The following RBM26 variants were observed in gnomAD, a reference collection of about 807,000 sequenced individuals.
RBM26 encodes RNA-binding protein 26.
RBM26 carries 30 observed loss-of-function variants against 123.6 expected under a neutral mutation model. The observed-to-expected ratio is 0.24, with a 90% CI of 0.18 to 0.33. RBM26 has a LOEUF of 0.33. Among genes scored for constraint, RBM26 ranks in the 10% least tolerant of loss-of-function variants. The probability of loss-of-function intolerance (pLI) is 1.00; values close to 1 mark genes in which losing one functional copy is unlikely to be tolerated. For missense variants in RBM26, 947 were observed against 1,203.6 expected, an observed-to-expected ratio of 0.79 and a Z score of 3.15; for synonymous variants, 400 against 404.4, an observed-to-expected ratio of 0.99 and a Z score of 0.13.
chr13:79,377,778 G>T (rs1346838928), intron 2 of RBM26, among the ~76,000 whole-genome samples: 1 of 152,056 alleles, frequency 6.6e-6, no homozygotes, highest in South Asian at 2.1e-4. Flanking sequence ...CATGATGGCA[G>T]GTGCCTGTAA....
At chr13:79,383,206 G>T (rs927937750) in intron 1 of RBM26, among the ~76,000 whole-genome samples, 14 of 152,036 alleles carry the variant, frequency 9.2e-5, no homozygotes, top group Admixed American at 9.2e-4. Flanking sequence ...ATAAGCACTG[G>T]ACTGGATAGT....
intron 1 of RBM26, 54 bp from the exon 2 acceptor site, chr13:79,378,961 A>G: frequency 9.2e-7 from 1 of 1,084,000 alleles, no homozygotes; most frequent in South Asian, 1.4e-5. Context: ...CATTCTACAA[A>G]TTCCAGTTAC....
In RBM26 at chr13:79,366,263, G is replaced by A. The variant is rs545906847; in HGVS notation, c.1136-68C>T. On this transcript the variant is annotated intron_variant, in intron 7 of 21. Coordinates refer to ENST00000438737, the MANE Select transcript of RBM26 (RefSeq NM_001366735.2). The stretch of plus-strand genomic sequence containing the variant: ...AAATAAAACAAGTTATTGCACATCC[G>A]AACATAATCTTCTCATTTATCAAAC... 2.2e-5 allele frequency: 32 copies of A among 1,478,268 alleles called. No homozygotes were observed. The East Asian group carries it at 2.7e-4, about 13-fold the overall frequency. The allele number at this position is 1,478,268 out of a possible 1,614,324, so 91.6% of individuals were successfully genotyped here. A position where few individuals can be genotyped will look rare whatever the true frequency, so the allele number is the denominator to read the frequency against.
chr13:79,337,208 C>T lies in RBM26; in HGVS notation c.2627G>A (p.Arg876Gln), dbSNP rs1566345295. ...AGCATGACCAGGCACACCTCGCCCT[C>T]GCCCTCGCCCCCTGCCTCGGCCATG... Reference protein sequence around the residue: ...AVHGRGRGRGRGRGVPGHAVV... With the variant: ...AVHGRGRGRGQGRGVPGHAVV... The change falls in exon 19 of 22, where the codon CGA (arginine) becomes CAA (glutamine). Residue 876 changes from arginine (R) to glutamine (Q), a missense_variant. Arg to Gln is a conservative substitution (Grantham distance 43, BLOSUM62 1). Coordinates refer to ENST00000438737, the MANE Select transcript of RBM26 (RefSeq NM_001366735.2). 10 of 1,614,140 alleles carry T rather than the reference C, an allele frequency of 6.2e-6. No individual in the cohort carries two copies. The highest frequency in any genetic ancestry group is 7.6e-6 in the Non-Finnish European group (9 of 1,180,010).
chr13:79,315,859 G>A (rs2067095138), downstream of RBM26, among the ~76,000 whole-genome samples: 1 of 151,622 alleles, frequency 6.6e-6, no homozygotes, highest in Admixed American at 6.6e-5. Flanking sequence ...ATTATCTATT[G>A]TCATCTGACA....
In RBM26 at chr13:79,394,116, C is replaced by A. The variant is rs552307719; in HGVS notation, c.71+11588G>T. On this transcript the variant is annotated intron_variant, in intron 1 of 21. Transcript: ENST00000438737. ...CCCTGAGATTTGTACTTGTTCTTAC[C>A]CTACCAGCTCAAATGACCTCCAACC... is the stretch of plus-strand genomic sequence containing the variant. Among the ~76,000 whole-genome samples, 3 of 152,300 alleles carry A rather than the reference C, an allele frequency of 2.0e-5. No homozygotes were observed. The South Asian group carries it at 6.2e-4, about 32-fold the overall frequency.
In RBM26 at chr13:79,319,949, C is replaced by CTTTTTT. The variant is rs56071300; in HGVS notation, c.*666_*671dup. ...TTTAAATCAAGGAACATTGTCTTGG[C>CTTTTTT]TTTTTTTTTTTTTTTTTTTTTGTCA... On this transcript the variant is annotated 3_prime_UTR_variant, in exon 22 of 22. Coordinates refer to ENST00000438737, the MANE Select transcript of RBM26 (RefSeq NM_001366735.2). The CTTTTTT allele has an allele frequency of 1.8e-3, 204 of 115,978 alleles. No individual in the cohort carries two copies. Among genetic ancestry groups the CTTTTTT allele is most frequent in the East Asian group, 6.2e-3 (3 of 484 alleles). The allele number at this position is 115,978 out of a possible 1,614,324, so 7.2% of individuals were successfully genotyped here. A position where few individuals can be genotyped will look rare whatever the true frequency, so the allele number is the denominator to read the frequency against.
In RBM26 at chr13:79,355,200, T is replaced by G. The variant is rs183224336; in HGVS notation, c.1854+20A>C. 1 of 1,610,964 alleles carries G rather than the reference T, an allele frequency of 6.2e-7. No individual in the cohort carries two copies. Among genetic ancestry groups the G allele is most frequent in the African/African-American group, 1.3e-5 (1 of 74,918 alleles). ...GCTTTCTAAGAAATGCGCGTACTTT[T>G]ACACAAATTCCTCTCTTACCTTTGG... On this transcript the variant is annotated intron_variant, in intron 12 of 21. Transcript: ENST00000438737.
At chr13:79,350,030 C>G (rs1040877568) in intron 14 of RBM26, among the ~76,000 whole-genome samples, 1 of 152,134 alleles carries the variant, frequency 6.6e-6, no homozygotes, top group African/African-American at 2.4e-5. Flanking sequence ...CAAAGTTACA[C>G]AACAAATTCA....
intron 1 of RBM26, among the ~76,000 whole-genome samples, chr13:79,402,336 A>G (rs1057223103): frequency 1.3e-5 from 2 of 152,150 alleles, no homozygotes; most frequent in East Asian, 3.8e-4. Context: ...ATTATTTTCA[A>G]TAATTTATGA....
At chr13:79,323,471 A>AT (rs1325646451) in intron 20 of RBM26, among the ~76,000 whole-genome samples, 1 of 151,544 alleles carries the variant, frequency 6.6e-6, no homozygotes, top group African/African-American at 2.4e-5. Flanking sequence ...TACAACTAGA[A>AT]TTTTTTTAAA....
At chr13:79,358,055 G>C (rs2074245626) in intron 11 of RBM26, among the ~76,000 whole-genome samples, 1 of 151,922 alleles carries the variant, frequency 6.6e-6, no homozygotes, top group African/African-American at 2.4e-5. Flanking sequence ...GCTAATTTTT[G>C]TATTTTTAGT....
intron 19 of RBM26, among the ~76,000 whole-genome samples, chr13:79,335,600 TA>T (rs2070216017): frequency 6.6e-6 from 1 of 152,160 alleles, no homozygotes; most frequent in Admixed American, 6.5e-5. Flanking sequence ...GAAAAGAAGC[TA>T]AACTTCAACT....
At chr13:79,405,603 C>A (rs2079465154) in intron 1 of RBM26, 101 bp downstream of exon 1, 3 of 727,252 alleles carry the variant, frequency 4.1e-6, no homozygotes, top group African/African-American at 1.8e-5. Context: ...CCGTTCACCG[C>A]TTCGGCCTCC....
chr13:79,373,456 TATATATA>T (rs2076277018), intron 3 of RBM26, among the ~76,000 whole-genome samples: 1 of 27,336 alleles, frequency 3.7e-5, no homozygotes, highest in Non-Finnish European at 7.0e-5. Flanking sequence ...TATATATAAA[TATATATA>T]ATATGTATAA....
chr13:79,347,489 AT>A (rs2072534061), intron 14 of RBM26, among the ~76,000 whole-genome samples: 2 of 152,312 alleles, frequency 1.3e-5, no homozygotes, highest in South Asian at 4.1e-4. Context: ...AAGAAAATCT[AT>A]TAAAACTGAA....
At chr13:79,403,469 G>C (rs756435065) in intron 1 of RBM26, among the ~76,000 whole-genome samples, 1 of 152,136 alleles carries the variant, frequency 6.6e-6, no homozygotes, top group Non-Finnish European at 1.5e-5. Context: ...GTAAGATGGA[G>C]GGATACGGCA....
intron 1 of RBM26, among the ~76,000 whole-genome samples, chr13:79,391,473 G>T (rs2077980248): frequency 6.6e-6 from 1 of 152,270 alleles, no homozygotes; most frequent in East Asian, 1.9e-4. Context: ...GCTCAGGCTG[G>T]AGTGCGGTGG....
At chr13:79,352,998 T>G (rs1235051758) in intron 14 of RBM26, among the ~76,000 whole-genome samples, 155 bp downstream of exon 14, 1 of 136,296 alleles carries the variant, frequency 7.3e-6, no homozygotes, top group African/African-American at 2.8e-5. Flanking sequence ...AGGAAAATAT[T>G]TTTCTTTTTC....
Sources: allele counts gnomAD v4.1 joint callset (sites outside exome capture counted in the v4.1 genomes callset), GRCh38; gene constraint gnomAD v4.1.1; transcripts MANE v1.5; gene names NCBI Gene and HGNC (gene_info 2026-07-23, HGNC 2026-07-21).